The following BICD1 variants were observed in gnomAD, a reference collection of about 807,000 sequenced individuals.
BICD1 encodes the protein BICD cargo adaptor 1.
In BICD1, 35 loss-of-function variants were observed where a neutral mutation model predicts 92.5. The ratio of observed to expected loss-of-function variants is 0.38; its 90% CI spans 0.29 to 0.50. BICD1 has a LOEUF of 0.50. BICD1 is among the 20% of genes least tolerant of loss of function. The pLI is 0.93. For missense variants in BICD1, 950 were observed against 1,189.8 expected, an observed-to-expected ratio of 0.80 and a Z score of 2.97; for synonymous variants, 429 against 465.1, an observed-to-expected ratio of 0.92 and a Z score of 1.00.
chr12:32,111,171 T>C (rs1044246043), intron 1 of BICD1, among the ~76,000 whole-genome samples: 35 of 152,220 alleles, frequency 2.3e-4, no homozygotes, highest in Non-Finnish European at 7.4e-5. Context: ...TATGCACTAA[T>C]GAGCTTCAAC....
intron 4 of BICD1, among the ~76,000 whole-genome samples, chr12:32,324,100 G>A (rs1948717325): frequency 6.6e-6 from 1 of 151,656 alleles, no homozygotes; most frequent in Admixed American, 6.6e-5. Context: ...GGAGGCCGAG[G>A]TGGGCAGATC....
At chr12:32,307,842 C>T (rs1279233567) in intron 4 of BICD1, among the ~76,000 whole-genome samples, 2 of 152,132 alleles carry the variant, frequency 1.3e-5, no homozygotes, top group Non-Finnish European at 2.9e-5. Context: ...GAATTTGTGC[C>T]CCCCAGATTG....
chr12:32,337,233 C>T lies in BICD1; in HGVS notation c.2253-266C>T, dbSNP rs1281797392. On this transcript the variant is annotated intron_variant, in intron 6 of 9. Transcript: ENST00000652176. The surrounding 1 kb of genome is among the most constrained non-coding windows in gnomAD (Gnocchi z 4.7). ...CTGCACTCCAGCCTGGGCGATACAGCGAGACTCAGTCTCAAAAAACAAATA... is the reference window on the plus strand; with the variant it reads ...CTGCACTCCAGCCTGGGCGATACAGTGAGACTCAGTCTCAAAAAACAAATA... Among the ~76,000 whole-genome samples the T allele has an allele frequency of 1.3e-5, 2 of 152,048 alleles. No homozygotes were observed. The highest frequency in any genetic ancestry group is 1.9e-4 in the East Asian group (1 of 5,192).
chr12:32,241,723 T>C (rs1181932072), intron 2 of BICD1, among the ~76,000 whole-genome samples: 6 of 152,164 alleles, frequency 3.9e-5, no homozygotes, highest in Non-Finnish European at 5.9e-5. Flanking sequence ...AGTGCTCTGC[T>C]CTAACTGCTT....
chr12:32,299,410 A>T (rs1461737784), intron 3 of BICD1, among the ~76,000 whole-genome samples: 1 of 152,164 alleles, frequency 6.6e-6, no homozygotes, highest in African/African-American at 2.4e-5. Flanking sequence ...GGCACCAAAG[A>T]CTTCAGTTAG....
chr12:32,383,339 C>A lies in BICD1; in HGVS notation c.*5712C>A, dbSNP rs1191152186. 1 of 152,238 alleles carries A rather than the reference C, an allele frequency of 6.6e-6. No homozygotes were observed. The highest frequency in any genetic ancestry group is 1.9e-4 in the East Asian group (1 of 5,176). The allele number at this position is 152,238 out of a possible 1,614,324, so 9.4% of individuals were successfully genotyped here. A position where few individuals can be genotyped will look rare whatever the true frequency, so the allele number is the denominator to read the frequency against. On this transcript the variant is annotated 3_prime_UTR_variant, in exon 10 of 10. Coordinates refer to ENST00000652176, the MANE Select transcript of BICD1 (RefSeq NM_001714.4). ...TTCAAAAGAAATGTTCTCAAAGACA[C>A]ATGCATTTATTTTAAATTCAAAAAA...
intron 2 of BICD1, among the ~76,000 whole-genome samples, chr12:32,259,426 T>A (rs1946801216): frequency 6.6e-6 from 1 of 152,254 alleles, no homozygotes; most frequent in Non-Finnish European, 1.5e-5. Context: ...ATCAGTGGAC[T>A]GAGGCTTGGT....
At chr12:32,338,034 C>T in intron 7 of BICD1, 1 of 515,028 alleles carries the variant, frequency 1.9e-6, no homozygotes, top group Non-Finnish European at 3.4e-6. Context: ...CCAATCCCTC[C>T]TCTTGATTAA....
intron 8 of BICD1, among the ~76,000 whole-genome samples, chr12:32,361,788 G>A (rs947097963): frequency 2.0e-5 from 3 of 152,124 alleles, no homozygotes; most frequent in African/African-American, 7.2e-5. Flanking sequence ...GATGCTACAG[G>A]AGACTGTTTG....
chr12:32,117,709 T>TACACACACACACACAC (rs71064996), intron 1 of BICD1, among the ~76,000 whole-genome samples: 175 of 84,994 alleles, frequency 2.1e-3, no homozygotes, highest in African/African-American at 8.8e-3. Flanking sequence ...CACAAATATA[T>TACACACACACACACAC]ATACACACAC....
intron 2 of BICD1, among the ~76,000 whole-genome samples, chr12:32,276,297 G>C (rs1161153007): frequency 6.6e-6 from 1 of 152,150 alleles, no homozygotes; most frequent in Non-Finnish European, 1.5e-5. Context: ...TGTTAGAGCA[G>C]TCATTGGCCA....
intron 2 of BICD1, among the ~76,000 whole-genome samples, chr12:32,285,847 A>G (rs1355812926): frequency 2.0e-5 from 3 of 152,250 alleles, no homozygotes; most frequent in Non-Finnish European, 4.4e-5. Context: ...AGGAAGAAAA[A>G]AAAATTGTAG....
intron 1 of BICD1, among the ~76,000 whole-genome samples, chr12:32,189,677 G>C (rs1944511452): frequency 6.6e-6 from 1 of 152,004 alleles, no homozygotes; most frequent in Admixed American, 6.6e-5. Context: ...TGGTGGGTGG[G>C]GGATAAGTAA....
intron 1 of BICD1, among the ~76,000 whole-genome samples, chr12:32,213,066 C>T (rs1429856357): frequency 2.0e-5 from 3 of 152,174 alleles, no homozygotes; most frequent in Admixed American, 6.5e-5. Context: ...CAGAAATTGA[C>T]GTTGATACAA....
intron 8 of BICD1, among the ~76,000 whole-genome samples, chr12:32,344,590 T>G (rs994185003): frequency 1.3e-5 from 2 of 152,122 alleles, no homozygotes; most frequent in African/African-American, 2.4e-5. Flanking sequence ...CTGTGAGGAA[T>G]AGGAATGTTT....
intron 2 of BICD1, among the ~76,000 whole-genome samples, chr12:32,217,418 T>C (rs1945392967): frequency 6.6e-6 from 1 of 152,198 alleles, no homozygotes; most frequent in African/African-American, 2.4e-5. Flanking sequence ...GGCTTCACTA[T>C]TATAAGATAT....
At position 32,313,336 on chromosome 12, in the gene BICD1, A is replaced by G. The variant is rs1948426096; in HGVS notation, c.1005+7214A>G. Among the ~76,000 whole-genome samples the G allele has an allele frequency of 6.6e-6, 1 of 152,204 alleles. No individual in the cohort carries two copies. Among genetic ancestry groups the G allele is most frequent in the Non-Finnish European group, 1.5e-5 (1 of 68,032 alleles). On this transcript the variant is annotated intron_variant, in intron 4 of 9. Coordinates refer to ENST00000652176, the MANE Select transcript of BICD1 (RefSeq NM_001714.4). The surrounding 1 kb of genome is among the most constrained non-coding windows in gnomAD (Gnocchi z 4.2). Reference sequence around the variant, plus strand: ...ATGGTAATTTGCTATATGTCCCATAAGAGTTCAAAGCAATTTTTATATATT... The same window carrying G: ...ATGGTAATTTGCTATATGTCCCATAGGAGTTCAAAGCAATTTTTATATATT...
intron 3 of BICD1, among the ~76,000 whole-genome samples, chr12:32,296,180 G>C (rs969960033): frequency 1.3e-5 from 2 of 151,440 alleles, no homozygotes; most frequent in African/African-American, 4.8e-5. Context: ...TCACAGTGGA[G>C]AAATGTAGAC....
At chr12:32,345,452 C>A (rs549734347) in intron 8 of BICD1, among the ~76,000 whole-genome samples, 2 of 152,100 alleles carry the variant, frequency 1.3e-5, no homozygotes, top group East Asian at 1.9e-4. Context: ...CCCACCCAAC[C>A]TTTTGTATTT....
Sources: gnomAD v4.1 joint callset for allele counts (sites outside exome capture counted in the v4.1 genomes callset) on GRCh38, gnomAD v4.1.1 for gene constraint, Gnocchi (gnomAD v3.1) non-coding constraint, MANE v1.5 for transcripts, NCBI Gene and HGNC (gene_info 2026-07-23, HGNC 2026-07-21) for gene names.